Variants in SVEP1 observed in about 807,000 individuals in gnomAD.
SVEP1 encodes the protein sushi, von Willebrand factor type A, EGF and pentraxin domain-containing protein 1.
SVEP1 carries 164 observed loss-of-function variants against 367.3 expected under a neutral mutation model. The observed-to-expected ratio is 0.45, with a 90% CI of 0.39 to 0.51. SVEP1 has a LOEUF of 0.51. Ranked by LOEUF, SVEP1 falls within the 20% of genes least tolerant of loss-of-function variation. The pLI is 0.00. For missense variants in SVEP1, 4,117 were observed against 4,425.3 expected (o/e 0.93, Z 1.98); for synonymous variants, 1,666 against 1,611.6 (o/e 1.03, Z -0.81).
intron 40 of SVEP1, among the ~76,000 whole-genome samples, chr9:110,393,873 G>T (rs1262506637): frequency 3.9e-5 from 6 of 152,230 alleles, no homozygotes; most frequent in Non-Finnish European, 7.3e-5. Context: ...CTTGAACTGG[G>T]TGGAGCCCAC....
chr9:110,440,071 A>C (rs760731685), intron 27 of SVEP1, among the ~76,000 whole-genome samples: 1 of 152,128 alleles, frequency 6.6e-6, no homozygotes, highest in Non-Finnish European at 1.5e-5. Flanking sequence ...ACAAGAACAC[A>C]CTAAATGAAA....
intron 1 of SVEP1, among the ~76,000 whole-genome samples, chr9:110,551,913 G>A (rs1830291558): frequency 6.6e-6 from 1 of 151,870 alleles, no homozygotes; most frequent in South Asian, 2.1e-4. Context: ...CTCCCTTTAG[G>A]CATAGAGGTC....
rs1827979056 is a variant in SVEP1 at position 110,407,796 on chromosome 9, A to C, written c.7804T>G (p.Ser2602Ala). 6.2e-7 allele frequency: 1 copy of C among 1,613,952 alleles called. No homozygotes were observed. Among genetic ancestry groups the C allele is most frequent in the Non-Finnish European group, 8.5e-7 (1 of 1,179,882 alleles). The change falls in exon 38 of 48, where the codon TCA becomes GCA. Residue 2602 changes from serine to alanine, a missense_variant. Physicochemically the swap from Ser to Ala is moderately conservative, Grantham distance 99. This residue lies in a region of SVEP1 where 1,765 missense variants were observed against 1,781.1 expected (regional missense o/e 0.99). Coordinates refer to ENST00000374469, the MANE Select transcript of SVEP1 (RefSeq NM_153366.4). ...GGCATACATGTTGGGATGGAACTTG[A>C]CCATCCTGACTCTTCACAGGTCTGC... ...AMQTCEESGW[S>A]SSIPTCMPID... is the part of the protein sequence containing the mutation.
intron 1 of SVEP1, among the ~76,000 whole-genome samples, chr9:110,560,702 A>G (rs919228525): frequency 6.6e-6 from 1 of 152,126 alleles, no homozygotes; most frequent in Non-Finnish European, 1.5e-5. Flanking sequence ...GATATATCAA[A>G]TATCTTTCAA....
intron 5 of SVEP1, among the ~76,000 whole-genome samples, chr9:110,511,469 C>A (rs2118772242): frequency 9.4e-6 from 1 of 106,362 alleles, no homozygotes; most frequent in African/African-American, 3.8e-5. Flanking sequence ...CTAACTAGGT[C>A]CATTCATTGT....
chr9:110,528,891 T>TA (rs1489361464), intron 3 of SVEP1, among the ~76,000 whole-genome samples: 3 of 151,960 alleles, frequency 2.0e-5, no homozygotes, highest in African/African-American at 7.2e-5. Context: ...ATTTTTAATT[T>TA]ATTAATTTTC....
chr9:110,394,957 A>G (rs1827732960), intron 40 of SVEP1, among the ~76,000 whole-genome samples: 1 of 152,236 alleles, frequency 6.6e-6, no homozygotes, highest in Non-Finnish European at 1.5e-5. Context: ...AACTTCCCCA[A>G]TCTAGCAAGG....
rs35912753 is a variant in SVEP1 at position 110,378,909 on chromosome 9, T to TA, written c.10408+437dup. 7.2e-3 allele frequency among the ~76,000 whole-genome samples: 1,052 copies of TA among 145,486 alleles called. 12 individuals carry two copies. Among genetic ancestry groups the TA allele is most frequent in the African/African-American group, 0.015 (578 of 39,382 alleles). On this transcript the variant is annotated intron_variant, in intron 44 of 47. Transcript: ENST00000374469. ...GCATGTACCCTAAAACTTAAAGTAT[T>TA]AAAAAAAAAAAAAGTCCAAATCTGA...
intron 43 of SVEP1, among the ~76,000 whole-genome samples, chr9:110,385,503 C>T (rs901895194): frequency 6.6e-6 from 1 of 152,162 alleles, no homozygotes; most frequent in Non-Finnish European, 1.5e-5. Flanking sequence ...TTAACAGGTT[C>T]TCTAGGTGGT....
intron 9 of SVEP1, among the ~76,000 whole-genome samples, chr9:110,487,084 G>A (rs1341718401): frequency 1.3e-5 from 2 of 152,046 alleles, no homozygotes; most frequent in African/African-American, 2.4e-5. Flanking sequence ...AGTCTCCCGA[G>A]TAGCTGGGAT....
At chr9:110,367,371 C>A (rs1306539505) in intron 47 of SVEP1, among the ~76,000 whole-genome samples, 2 of 150,134 alleles carry the variant, frequency 1.3e-5, no homozygotes, top group African/African-American at 4.9e-5. Flanking sequence ...CCTATGTTGC[C>A]CAGGCTGGTG....
chr9:110,559,935 C>G (rs1247041006), intron 1 of SVEP1, among the ~76,000 whole-genome samples: 1 of 151,902 alleles, frequency 6.6e-6, no homozygotes, highest in Non-Finnish European at 1.5e-5. Flanking sequence ...ATTTCATTAC[C>G]TATATGTACA....
At chr9:110,554,675 G>T (rs1470282282) in intron 1 of SVEP1, among the ~76,000 whole-genome samples, 7 of 151,656 alleles carry the variant, frequency 4.6e-5, no homozygotes, top group Admixed American at 6.6e-5. Flanking sequence ...AATTGAAATG[G>T]ATTTAAATGT....
intron 1 of SVEP1, among the ~76,000 whole-genome samples, chr9:110,565,301 G>A (rs1357914362): frequency 6.6e-6 from 1 of 152,136 alleles, no homozygotes; most frequent in Non-Finnish European, 1.5e-5. Context: ...CTTAAGTGTA[G>A]GCTGAATGAT....
intron 36 of SVEP1, among the ~76,000 whole-genome samples, chr9:110,412,367 T>C (rs1222621575): frequency 6.6e-6 from 1 of 152,200 alleles, no homozygotes; most frequent in Non-Finnish European, 1.5e-5. Flanking sequence ...CTTTACCCCA[T>C]GTGGCTAGAG....
chr9:110,505,571 T>C (rs988356775), intron 5 of SVEP1, among the ~76,000 whole-genome samples: 2 of 152,220 alleles, frequency 1.3e-5, no homozygotes, highest in African/African-American at 4.8e-5. Context: ...GAGGTGTCTC[T>C]GTTGCTCCTG....
chr9:110,433,830 A>G (rs1008875965), intron 30 of SVEP1, among the ~76,000 whole-genome samples: 2 of 151,600 alleles, frequency 1.3e-5, no homozygotes, highest in African/African-American at 4.8e-5. Flanking sequence ...TCTAGCCCTT[A>G]CCTTTATTAT....
At chr9:110,539,581 T>A (rs1225677591) in intron 3 of SVEP1, among the ~76,000 whole-genome samples, 1 of 151,652 alleles carries the variant, frequency 6.6e-6, no homozygotes, top group Admixed American at 6.6e-5. Flanking sequence ...GATAATATTA[T>A]AAGGGACAAA....
intron 3 of SVEP1, among the ~76,000 whole-genome samples, chr9:110,541,634 C>G (rs1830145782): frequency 6.6e-6 from 1 of 151,726 alleles, no homozygotes; most frequent in Non-Finnish European, 1.5e-5. Context: ...AAAATCCGCC[C>G]CTGGTTGAGA....
Sources: allele counts gnomAD v4.1 joint callset (sites outside exome capture counted in the v4.1 genomes callset), GRCh38; gene constraint gnomAD v4.1.1; regional missense constraint gnomAD v4.1.1; transcripts MANE v1.5; gene names NCBI Gene and HGNC (gene_info 2026-07-23, HGNC 2026-07-21).